Variants in CAPS2 observed in about 807,000 individuals in gnomAD.
CAPS2 encodes the protein calcyphosine 2, also known as calcyphosin-2.
Under a neutral mutation model 86.5 loss-of-function variants are expected in CAPS2, and 98 were observed. The ratio of observed to expected loss-of-function variants is 1.13; its 90% confidence interval spans 0.96 to 1.34. The LOEUF (loss-of-function observed/expected upper bound fraction) is 1.34. Among genes scored for constraint, CAPS2 ranks in the 40% most tolerant of loss-of-function variants. The pLI is 0.00. For missense variants in CAPS2, 729 were observed against 686.8 expected (o/e 1.06, Z -0.69); for synonymous variants, 210 against 225.1 (o/e 0.93, Z 0.60).
chr12:75,293,810 G>A (rs2036425708), intron 11 of CAPS2, among the ~76,000 whole-genome samples: 2 of 152,092 alleles, frequency 1.3e-5, no homozygotes, highest in Non-Finnish European at 2.9e-5. Context: ...AACCTAATTA[G>A]AACTTCAAAA....
chr12:75,362,992 T>G, intron 1 of CAPS2: 1 of 539,166 alleles, frequency 1.9e-6, no homozygotes. Context: ...TTATTTTTCA[T>G]TTTCAACATT....
chr12:75,324,897 C>T (rs746341260), intron 2 of CAPS2, among the ~76,000 whole-genome samples: 2 of 151,916 alleles, frequency 1.3e-5, no homozygotes, highest in Non-Finnish European at 2.9e-5. Flanking sequence ...TAAATTGATG[C>T]CAACTAAATG....
intron 7 of CAPS2, among the ~76,000 whole-genome samples, chr12:75,310,346 C>G (rs1473518599): frequency 6.6e-6 from 1 of 152,052 alleles, no homozygotes; most frequent in Non-Finnish European, 1.5e-5. Flanking sequence ...GTAGGCCTCA[C>G]CAAGGTGACT....
chr12:75,354,747 A>C (rs1327986745), intron 1 of CAPS2, among the ~76,000 whole-genome samples: 1 of 152,252 alleles, frequency 6.6e-6, no homozygotes, highest in Admixed American at 6.5e-5. Flanking sequence ...AGGCTACAGT[A>C]ACCAAAACAG....
intron 5 of CAPS2, among the ~76,000 whole-genome samples, chr12:75,318,451 T>C (rs904973809): frequency 1.3e-5 from 2 of 152,140 alleles, no homozygotes; most frequent in African/African-American, 2.4e-5. Context: ...GTGGCGTCCC[T>C]GATCTGCCTC....
At chr12:75,388,774 T>C (rs906945351) in intron 1 of CAPS2, among the ~76,000 whole-genome samples, 3 of 152,130 alleles carry the variant, frequency 2.0e-5, no homozygotes, top group Admixed American at 6.6e-5. Flanking sequence ...TGAGCCCTAA[T>C]ATACACTATG....
chr12:75,312,956 C>T, intron 6 of CAPS2, 41 bp from the exon 7 acceptor site: 1 of 1,159,152 alleles, frequency 8.6e-7, no homozygotes, highest in Non-Finnish European at 1.3e-6. Context: ...ATCCATAAAG[C>T]AGAACCATAC....
At chr12:75,360,194 G>A (rs2043475516) in intron 1 of CAPS2, 1 of 152,022 alleles carries the variant, frequency 6.6e-6, no homozygotes, top group Non-Finnish European at 1.5e-5. Context: ...TTTGGGTGGG[G>A]ACACAGAGCC....
chr12:75,377,963 A>G (rs546953054), intron 1 of CAPS2, among the ~76,000 whole-genome samples: 20 of 152,012 alleles, frequency 1.3e-4, no homozygotes, highest in African/African-American at 4.8e-4. Flanking sequence ...ATATATTGTC[A>G]GATATCTAGG....
intron 1 of CAPS2, among the ~76,000 whole-genome samples, chr12:75,335,449 C>T (rs1460492226): frequency 6.6e-6 from 1 of 152,062 alleles, no homozygotes; most frequent in Non-Finnish European, 1.5e-5. Flanking sequence ...ATTTTAAATA[C>T]TTGACTATGA....
At chr12:75,371,368 G>T in intron 1 of CAPS2, 1 of 203,196 alleles carries the variant, frequency 4.9e-6, no homozygotes, top group South Asian at 5.5e-5. Flanking sequence ...GTTTATTCTA[G>T]CTGGCAGCCG....
chr12:75,372,211 C>T (rs1370825103), intron 1 of CAPS2, among the ~76,000 whole-genome samples: 3 of 152,084 alleles, frequency 2.0e-5, no homozygotes, highest in African/African-American at 4.8e-5. Flanking sequence ...TGGGGTTTCA[C>T]CATGTTGGCC....
chr12:75,319,168 T>C (rs1401305883), intron 5 of CAPS2, among the ~76,000 whole-genome samples: 3 of 152,166 alleles, frequency 2.0e-5, no homozygotes, highest in African/African-American at 7.2e-5. Context: ...TCACCTTTTA[T>C]AGTAAGTGGA....
chr12:75,324,851 T>A (rs1385681854), intron 2 of CAPS2, among the ~76,000 whole-genome samples: 1 of 152,100 alleles, frequency 6.6e-6, no homozygotes, highest in African/African-American at 2.4e-5. Flanking sequence ...AAAATTGTCA[T>A]ACTCCTCAAA....
At chr12:75,306,895 A>G (rs2038563552) in intron 7 of CAPS2, among the ~76,000 whole-genome samples, 2 of 152,170 alleles carry the variant, frequency 1.3e-5, no homozygotes, top group South Asian at 2.1e-4. Flanking sequence ...CCAGGAGTCA[A>G]TGTTAAAGTA....
At chr12:75,300,436 G>A (rs2037637872) in intron 8 of CAPS2, among the ~76,000 whole-genome samples, 2 of 151,566 alleles carry the variant, frequency 1.3e-5, no homozygotes, top group African/African-American at 4.9e-5. Context: ...GGCGCCCGTA[G>A]TCTCAGCTAC....
chr12:75,324,019 A>T (rs1008424898), intron 2 of CAPS2, among the ~76,000 whole-genome samples: 2 of 152,182 alleles, frequency 1.3e-5, no homozygotes, highest in Non-Finnish European at 2.9e-5. Context: ...AACTTTAACA[A>T]GTGGTGGAGA....
At chr12:75,381,052 T>C (rs1429840319) in intron 1 of CAPS2, among the ~76,000 whole-genome samples, 2 of 152,182 alleles carry the variant, frequency 1.3e-5, no homozygotes, top group Non-Finnish European at 2.9e-5. Flanking sequence ...GGTCTGGCTG[T>C]GTCACCACCC....
At chr12:75,353,886 A>C (rs2042972340) in intron 1 of CAPS2, among the ~76,000 whole-genome samples, 1 of 152,244 alleles carries the variant, frequency 6.6e-6, no homozygotes, top group African/African-American at 2.4e-5. Flanking sequence ...ACTAAAGACA[A>C]AAACCATATG....
Sources: allele counts gnomAD v4.1 joint callset (sites outside exome capture counted in the v4.1 genomes callset), GRCh38; gene constraint gnomAD v4.1.1; transcripts MANE v1.5; gene names NCBI Gene and HGNC (gene_info 2026-07-23, HGNC 2026-07-21).